The following ZNRF3 variants were observed in gnomAD, a reference collection of about 807,000 sequenced individuals.
ZNRF3 encodes the protein E3 ubiquitin-protein ligase ZNRF3.
In ZNRF3, 23 loss-of-function variants were observed where a neutral mutation model predicts 72.5. The observed-to-expected ratio is 0.32, with a 90% CI of 0.23 to 0.45. ZNRF3 has a LOEUF of 0.45. Among genes scored for constraint, ZNRF3 ranks in the 20% least tolerant of loss-of-function variants. ZNRF3 has a pLI of 1.00. For synonymous variants in ZNRF3, 610 were observed against 545.3 expected (o/e 1.12, Z -1.65); for missense variants, 1,169 against 1,272.1 (o/e 0.92, Z 1.23).
intron 1 of ZNRF3, among the ~76,000 whole-genome samples, chr22:28,908,523 G>T (rs1400473023): frequency 1.4e-4 from 21 of 152,202 alleles, no homozygotes; most frequent in Non-Finnish European, 1.0e-4. Flanking sequence ...AACCACTGGG[G>T]CCTGTACGTG....
chr22:29,032,459 T>C (rs948730279), intron 2 of ZNRF3, among the ~76,000 whole-genome samples: 22 of 152,320 alleles, frequency 1.4e-4, no homozygotes, highest in African/African-American at 5.1e-4. Context: ...GGAGACACGA[T>C]GTCTGCATTC....
chr22:28,921,268 C>T (rs912894565), intron 1 of ZNRF3, among the ~76,000 whole-genome samples: 1 of 152,192 alleles, frequency 6.6e-6, no homozygotes, highest in African/African-American at 2.4e-5. Flanking sequence ...CTCCTCTCCC[C>T]TTCTGCTACT....
chr22:28,944,072 TAA>T (rs1232758418), intron 1 of ZNRF3, among the ~76,000 whole-genome samples: 1 of 151,232 alleles, frequency 6.6e-6, no homozygotes, highest in African/African-American at 2.4e-5. Context: ...GAGGAGAGTC[TAA>T]AATAAAATTA....
At chr22:28,943,236 A>G (rs1321762438) in intron 1 of ZNRF3, among the ~76,000 whole-genome samples, 1 of 130,512 alleles carries the variant, frequency 7.7e-6, no homozygotes, top group East Asian at 2.2e-4. Flanking sequence ...CCCCTGCCCC[A>G]TTCTTGCTCC....
intron 1 of ZNRF3, among the ~76,000 whole-genome samples, chr22:28,961,440 A>C: frequency 6.6e-6 from 1 of 152,248 alleles, no homozygotes; most frequent in Non-Finnish European, 1.5e-5. Context: ...ATTCAGAGGA[A>C]ACAGTGATAG....
At position 28,908,890 on chromosome 22, in the gene ZNRF3, TTTTGTTTG is replaced by T. The variant is rs532137558; in HGVS notation, c.300+24840_300+24847del. ...GAGGGCCTGGTGTCTCCGTTGGGTG[TTTTGTTTG>T]TTTGTTTGTTTGTTTTTGAGATGGG... is the stretch of plus-strand genomic sequence containing the variant. On this transcript the variant is annotated intron_variant, in intron 1 of 8. Coordinates refer to ENST00000544604, the MANE Select transcript of ZNRF3 (RefSeq NM_001206998.2). Among the ~76,000 whole-genome samples the T allele has an allele frequency of 3.0e-3, 454 of 152,094 alleles. 3 individuals carry two copies. Among genetic ancestry groups the T allele is most frequent in the Non-Finnish European group, 3.9e-3 (268 of 67,996 alleles).
intron 1 of ZNRF3, among the ~76,000 whole-genome samples, chr22:28,953,399 C>T (rs2035201701): frequency 1.3e-5 from 2 of 152,202 alleles, no homozygotes; most frequent in Admixed American, 6.5e-5. Context: ...TGTGAGAAAT[C>T]AATCTGGAGA....
intron 1 of ZNRF3, among the ~76,000 whole-genome samples, chr22:28,945,962 G>A (rs941732933): frequency 2.6e-5 from 4 of 152,150 alleles, no homozygotes; most frequent in South Asian, 4.1e-4. Context: ...TCAGTGGTCA[G>A]GTATCACAGA....
At chr22:28,983,722 C>G (rs951644237) in intron 1 of ZNRF3, among the ~76,000 whole-genome samples, 3 of 152,180 alleles carry the variant, frequency 2.0e-5, no homozygotes, top group African/African-American at 7.2e-5. Flanking sequence ...TATGTGTTCT[C>G]CCTAACTTAG....
intron 5 of ZNRF3, among the ~76,000 whole-genome samples, chr22:29,045,310 A>G (rs972560092): frequency 1.3e-5 from 2 of 149,058 alleles, no homozygotes; most frequent in Non-Finnish European, 3.0e-5. Context: ...GCAATGAGCT[A>G]TGATCACACC....
chr22:28,952,669 G>T (rs1245231692), intron 1 of ZNRF3, among the ~76,000 whole-genome samples: 1 of 152,144 alleles, frequency 6.6e-6, no homozygotes, highest in Non-Finnish European at 1.5e-5. Flanking sequence ...TGTTTATGAA[G>T]ATAATCTTCT....
chr22:28,931,623 A>G (rs2034708536), intron 1 of ZNRF3, among the ~76,000 whole-genome samples: 1 of 152,206 alleles, frequency 6.6e-6, no homozygotes, highest in African/African-American at 2.4e-5. Flanking sequence ...AGCCCCATCC[A>G]TCTGTCCACC....
chr22:28,985,565 C>T (rs751355391), intron 1 of ZNRF3, among the ~76,000 whole-genome samples: 3 of 152,158 alleles, frequency 2.0e-5, no homozygotes, highest in Admixed American at 6.5e-5. Context: ...GATTTTATCT[C>T]TTAGTCTTTC....
intron 1 of ZNRF3, among the ~76,000 whole-genome samples, chr22:28,933,388 GTT>G (rs1181571684): frequency 6.6e-6 from 1 of 152,186 alleles, no homozygotes; most frequent in African/African-American, 2.4e-5. Flanking sequence ...GAAGCAGTCA[GTT>G]TTCCTGATGA....
At chr22:28,986,233 T>C (rs907841137) in intron 1 of ZNRF3, among the ~76,000 whole-genome samples, 7 of 152,248 alleles carry the variant, frequency 4.6e-5, no homozygotes, top group Non-Finnish European at 1.5e-5. Context: ...TTAGGTCTCT[T>C]GTGTTTCTAA....
chr22:29,041,975 G>T (rs944430768), intron 2 of ZNRF3, among the ~76,000 whole-genome samples: 1 of 152,128 alleles, frequency 6.6e-6, no homozygotes, highest in East Asian at 1.9e-4. Flanking sequence ...GACTGGGCAG[G>T]TTGTTGATGT....
intron 1 of ZNRF3, among the ~76,000 whole-genome samples, chr22:28,939,975 A>G (rs1459392192): frequency 6.6e-6 from 1 of 152,216 alleles, no homozygotes; most frequent in Non-Finnish European, 1.5e-5. Flanking sequence ...AGTAGTCCTC[A>G]TTATGAATTA....
At chr22:28,886,643 C>T (rs2033792555) in intron 1 of ZNRF3, among the ~76,000 whole-genome samples, 1 of 152,168 alleles carries the variant, frequency 6.6e-6, no homozygotes, top group Admixed American at 6.5e-5. Context: ...CTTTTCAAAA[C>T]TTCCTTTTAT....
intron 6 of ZNRF3, among the ~76,000 whole-genome samples, chr22:29,047,275 C>T (rs2037092762): frequency 6.6e-6 from 1 of 152,070 alleles, no homozygotes; most frequent in Non-Finnish European, 1.5e-5. Flanking sequence ...AATTTCAGAC[C>T]TTCAGAAAAG....
Sources: allele counts gnomAD v4.1 joint callset (sites outside exome capture counted in the v4.1 genomes callset), GRCh38; gene constraint gnomAD v4.1.1; transcripts MANE v1.5; gene names NCBI Gene and HGNC (gene_info 2026-07-23, HGNC 2026-07-21).